P3H2: variants seen among roughly 807,000 people sequenced by gnomAD.
P3H2 encodes leprecan-like 1.
A neutral mutation model predicts 87.0 loss-of-function variants in P3H2; 80 were observed. The ratio of observed to expected loss-of-function variants is 0.92; its 90% CI spans 0.77 to 1.11. P3H2 has a LOEUF of 1.11. P3H2 is among the 50% of genes least tolerant of loss of function. The pLI is 0.00. For synonymous variants in P3H2, 367 were observed against 359.3 expected (o/e 1.02, Z -0.24); for missense variants, 1,001 against 923.9 (o/e 1.08, Z -1.08).
chr3:190,081,391 A>G (rs112243454), intron 1 of P3H2, among the ~76,000 whole-genome samples: 1,795 of 152,338 alleles, frequency 0.012, 40 homozygotes, highest in African/African-American at 0.041. Flanking sequence ...ACCCTAAAGT[A>G]AGTGGATTAT....
At chr3:190,089,371 A>C (rs1727338056) in intron 1 of P3H2, among the ~76,000 whole-genome samples, 1 of 152,250 alleles carries the variant, frequency 6.6e-6, no homozygotes, top group Admixed American at 6.5e-5. Flanking sequence ...AGTATAATAA[A>C]AAAAGAGAAA....
At chr3:190,054,308 G>A (rs533912939) in intron 1 of P3H2, among the ~76,000 whole-genome samples, 1 of 152,236 alleles carries the variant, frequency 6.6e-6, no homozygotes, top group East Asian at 1.9e-4. Flanking sequence ...ATAATTTGCA[G>A]GGCAACTAGC....
chr3:189,958,438 T>G (rs1428462048), intron 14 of P3H2, among the ~76,000 whole-genome samples: 2 of 152,218 alleles, frequency 1.3e-5, no homozygotes, highest in African/African-American at 4.8e-5. Context: ...ACCTATTCTG[T>G]TCTATCTGCT....
At chr3:190,079,381 T>TAAAC (rs1195564119) in intron 1 of P3H2, among the ~76,000 whole-genome samples, 1 of 150,342 alleles carries the variant, frequency 6.7e-6, no homozygotes, top group Non-Finnish European at 1.5e-5. Context: ...AATAAATAAA[T>TAAAC]AAATAATCCT....
intron 1 of P3H2, among the ~76,000 whole-genome samples, chr3:190,062,616 A>G (rs1045487933): frequency 2.0e-5 from 3 of 152,172 alleles, no homozygotes; most frequent in Non-Finnish European, 2.9e-5. Flanking sequence ...ATTATTATGT[A>G]TAAGCATTGC....
intron 8 of P3H2, among the ~76,000 whole-genome samples, chr3:189,976,506 C>T (rs2014860): frequency 0.55 from 83,414 of 152,014 alleles, 23,315 homozygotes; most frequent in East Asian, 0.8. Context: ...CATGATTCAA[C>T]TATCTCCACC....
chr3:190,113,893 C>T (rs1173329279), intron 1 of P3H2, among the ~76,000 whole-genome samples: 2 of 151,938 alleles, frequency 1.3e-5, no homozygotes, highest in Admixed American at 6.5e-5. Flanking sequence ...CTGGCTAACA[C>T]GGTGAAACCC....
intron 1 of P3H2, among the ~76,000 whole-genome samples, chr3:190,060,656 G>T (rs138395008): frequency 1.3e-5 from 2 of 152,118 alleles, no homozygotes; most frequent in East Asian, 1.9e-4. Context: ...CTACTTACTC[G>T]AATGAAGTGT....
At chr3:190,083,032 G>T (rs1324042769) in intron 1 of P3H2, among the ~76,000 whole-genome samples, 1 of 152,220 alleles carries the variant, frequency 6.6e-6, no homozygotes, top group Non-Finnish European at 1.5e-5. Flanking sequence ...AGAGGATCAT[G>T]CAGCTTATCT....
At chr3:190,006,959 A>T (rs1724406798) in intron 1 of P3H2, among the ~76,000 whole-genome samples, 1 of 152,322 alleles carries the variant, frequency 6.6e-6, no homozygotes, top group Non-Finnish European at 1.5e-5. Flanking sequence ...AAACAGATAG[A>T]TATATCTATG....
chr3:190,002,500 G>A (rs1441698387), intron 1 of P3H2, among the ~76,000 whole-genome samples: 4 of 150,860 alleles, frequency 2.7e-5, no homozygotes, highest in African/African-American at 4.9e-5. Context: ...TCCTGGGTTC[G>A]AGCAATTCTC....
chr3:189,962,626 C>G (rs762061602), intron 14 of P3H2, among the ~76,000 whole-genome samples: 1 of 152,280 alleles, frequency 6.6e-6, no homozygotes, highest in African/African-American at 2.4e-5. Flanking sequence ...AGTCCAGGAC[C>G]TTGTTCTGTT....
At chr3:190,073,053 C>T (rs773327196) in intron 1 of P3H2, among the ~76,000 whole-genome samples, 19 of 152,090 alleles carry the variant, frequency 1.2e-4, no homozygotes, top group Non-Finnish European at 2.1e-4. Context: ...CACAAAGTCA[C>T]GTGGTATAAA....
chr3:190,065,178 C>T (rs1049417749), intron 1 of P3H2, among the ~76,000 whole-genome samples: 2 of 152,164 alleles, frequency 1.3e-5, no homozygotes, highest in Non-Finnish European at 2.9e-5. Context: ...GTTTCCCTGT[C>T]ATCCTGGGCA....
At position 190,113,163 on chromosome 3, in the gene P3H2, A is replaced by G. The variant is rs375638968; in HGVS notation, c.480+7089T>C. ...TAGACCACCCCTCAAGGAGGTAGCCATGACTGTTACATAGAGGCTGGAAAG... is the reference window on the plus strand; with the variant it reads ...TAGACCACCCCTCAAGGAGGTAGCCGTGACTGTTACATAGAGGCTGGAAAG... On this transcript the variant is annotated intron_variant, in intron 1 of 14. Coordinates refer to ENST00000319332, the MANE Select transcript of P3H2 (RefSeq NM_018192.4). 3.3e-4 allele frequency among the ~76,000 whole-genome samples: 50 copies of G among 152,318 alleles called. 1 individual carries two copies. The East Asian group carries it at 8.9e-3, about 27-fold the overall frequency.
In P3H2 at chr3:190,120,527, C is replaced by T; in HGVS notation, c.205G>A (p.Ala69Thr). The part of the protein sequence containing the change: ...DYERAVRDLE[A>T]ALRSHRRLRE... ...AGGCGCCGGTGGCTGCGCAGCGCCGCTTCCAAGTCGCGCACCGCTCGCTCG... is the reference window on the plus strand; with the variant it reads ...AGGCGCCGGTGGCTGCGCAGCGCCGTTTCCAAGTCGCGCACCGCTCGCTCG... Residue 69 changes from alanine (A) to threonine (T), a missense_variant, in exon 1 of 15, where the codon GCG (alanine) becomes ACG (threonine). By Grantham distance (58) the Ala-to-Thr change is moderately conservative. Coordinates refer to ENST00000319332, the MANE Select transcript of P3H2 (RefSeq NM_018192.4). 6.7e-7 allele frequency: 1 copy of T among 1,491,206 alleles called. No individual in the cohort carries two copies. Among genetic ancestry groups the T allele is most frequent in the Non-Finnish European group, 8.9e-7 (1 of 1,128,338 alleles). The allele number at this position is 1,491,206 out of a possible 1,614,324, so 92.4% of individuals were successfully genotyped here. A position where few individuals can be genotyped will look rare whatever the true frequency, so the allele number is the denominator to read the frequency against.
intron 1 of P3H2, among the ~76,000 whole-genome samples, chr3:190,043,932 G>A (rs919243576): frequency 1.3e-5 from 2 of 152,118 alleles, no homozygotes; most frequent in African/African-American, 4.8e-5. Context: ...GAGTTTTATA[G>A]TGTTATTTGG....
chr3:189,968,132 C>G (rs56052011), intron 13 of P3H2, among the ~76,000 whole-genome samples: 5,330 of 152,104 alleles, frequency 0.035, 324 homozygotes, highest in African/African-American at 0.12. Flanking sequence ...TATTATTATA[C>G]TTTTAAGTTC....
intron 12 of P3H2, among the ~76,000 whole-genome samples, chr3:189,971,390 T>G (rs1577246545): frequency 6.6e-6 from 1 of 152,230 alleles, no homozygotes; most frequent in Non-Finnish European, 1.5e-5. Flanking sequence ...GATGAACACA[T>G]GGTGACTATA....
Sources: gnomAD v4.1 joint callset for allele counts (sites outside exome capture counted in the v4.1 genomes callset) on GRCh38, gnomAD v4.1.1 for gene constraint, MANE v1.5 for transcripts, NCBI Gene and HGNC (gene_info 2026-07-23, HGNC 2026-07-21) for gene names.